The following TNFAIP8 variants were observed in gnomAD, a reference collection of about 807,000 sequenced individuals.
TNFAIP8 encodes TNF alpha induced protein 8.
TNFAIP8 carries 7 observed loss-of-function variants against 13.3 expected under a neutral mutation model. The observed-to-expected ratio is 0.52, with a 90% CI of 0.30 to 0.99. TNFAIP8 has a LOEUF of 0.99. Among genes scored for constraint, TNFAIP8 ranks in the 50% least tolerant of loss-of-function variants. The pLI, the probability that TNFAIP8 is intolerant of heterozygous loss-of-function variation, is 0.07. For missense variants in TNFAIP8, 258 were observed against 236.9 expected (o/e 1.09, Z -0.58); for synonymous variants, 94 against 87.6 (o/e 1.07, Z -0.41).
At chr5:119,320,636 A>G (rs1266337006) in intron 1 of TNFAIP8, among the ~76,000 whole-genome samples, 2 of 152,120 alleles carry the variant, frequency 1.3e-5, no homozygotes, top group African/African-American at 4.8e-5. Flanking sequence ...TCAGTCTCTC[A>G]GTAGTAGTTG....
chr5:119,345,921 A>G (rs1750884686), intron 1 of TNFAIP8, among the ~76,000 whole-genome samples: 1 of 152,232 alleles, frequency 6.6e-6, no homozygotes, highest in African/African-American at 2.4e-5. Flanking sequence ...GTTAAGAAAA[A>G]GAGAAGTAGT....
chr5:119,392,103 G>C (rs1471012721), intron 1 of TNFAIP8, among the ~76,000 whole-genome samples: 2 of 152,196 alleles, frequency 1.3e-5, no homozygotes, highest in Admixed American at 1.3e-4. Flanking sequence ...ATCAGAAATA[G>C]CAAGTGACAA....
At chr5:119,350,998 C>CTGTGTGTGTGTGTGTG (rs70982476) in intron 1 of TNFAIP8, among the ~76,000 whole-genome samples, 2 of 137,872 alleles carry the variant, frequency 1.5e-5, no homozygotes, top group African/African-American at 2.8e-5. Context: ...GGGTCTCACT[C>CTGTGTGTGTGTGTGTG]TGTGTGTGTG....
At chr5:119,368,805 T>G (rs933267037) in intron 1 of TNFAIP8, among the ~76,000 whole-genome samples, 4 of 152,128 alleles carry the variant, frequency 2.6e-5, no homozygotes, top group African/African-American at 9.7e-5. Context: ...GAGGTTAAGT[T>G]CTTGTTCTGG....
At chr5:119,376,519 T>C (rs1021484348) in intron 1 of TNFAIP8, among the ~76,000 whole-genome samples, 2 of 152,212 alleles carry the variant, frequency 1.3e-5, no homozygotes, top group African/African-American at 4.8e-5. Flanking sequence ...TTGTAGCCTC[T>C]TATTTCGGTT....
intron 1 of TNFAIP8, among the ~76,000 whole-genome samples, chr5:119,300,944 C>T (rs1475030556): frequency 3.3e-5 from 5 of 151,488 alleles, no homozygotes; most frequent in Admixed American, 1.3e-4. Context: ...TGACCATCTC[C>T]GAGGCACAGT....
chr5:119,331,768 A>T (rs572215842), intron 1 of TNFAIP8, among the ~76,000 whole-genome samples: 1 of 152,294 alleles, frequency 6.6e-6, no homozygotes, highest in Admixed American at 6.5e-5. Flanking sequence ...GCAGAACTGG[A>T]AAGAGTGGTT....
At position 119,309,071 on chromosome 5, in the gene TNFAIP8, C is replaced by T. The variant is rs895368852; in HGVS notation, c.1+40164C>T. 3.3e-5 allele frequency among the ~76,000 whole-genome samples: 5 copies of T among 152,170 alleles called. 1 individual carries two copies. Among genetic ancestry groups the T allele is most frequent in the Admixed American group, 2.6e-4 (4 of 15,282 alleles). ...TGAAGGAGACAGTTATTTACATTTT[C>T]AGTTGCTTTTTGTGAAATACAAAGA... On this transcript the variant is annotated intron_variant, in intron 1 of 1. Coordinates refer to the TNFAIP8 transcript ENST00000274456.
At chr5:119,372,532 T>C (rs1752121403) in intron 1 of TNFAIP8, among the ~76,000 whole-genome samples, 1 of 152,204 alleles carries the variant, frequency 6.6e-6, no homozygotes, top group African/African-American at 2.4e-5. Flanking sequence ...GTAAAATAAA[T>C]TCCTAGCTTT....
At chr5:119,375,778 A>G (rs1182117088) in intron 1 of TNFAIP8, among the ~76,000 whole-genome samples, 1 of 152,176 alleles carries the variant, frequency 6.6e-6, no homozygotes, top group Non-Finnish European at 1.5e-5. Context: ...AAAATGTTCA[A>G]TTTAGGATCT....
At chr5:119,279,338 C>G (rs562666312) in intron 1 of TNFAIP8, among the ~76,000 whole-genome samples, 54 of 152,268 alleles carry the variant, frequency 3.5e-4, no homozygotes, top group African/African-American at 1.2e-3. Flanking sequence ...AAGGCTGTTG[C>G]CTCTCCAACC....
chr5:119,359,377 T>C (rs975148973), intron 1 of TNFAIP8, among the ~76,000 whole-genome samples: 6 of 152,150 alleles, frequency 3.9e-5, no homozygotes, highest in African/African-American at 1.4e-4. Flanking sequence ...GAGCACCTGT[T>C]CCTTTCCTTG....
rs957668416 is a variant in TNFAIP8, at chr5:119,397,364, G to A, written c.*3983G>A. ...TTGTAGTAAAAAGTGCTATTCAATT[G>A]CCAGGAAATTAAAATACTCCAGTAA... On this transcript the variant is annotated 3_prime_UTR_variant, in exon 2 of 2. Coordinates refer to ENST00000504771, the MANE Select transcript of TNFAIP8 (RefSeq NM_014350.4). 2 of 152,132 alleles carry A rather than the reference G, an allele frequency of 1.3e-5. No individual in the cohort carries two copies. Among genetic ancestry groups the A allele is most frequent in the African/African-American group, 4.8e-5 (2 of 41,410 alleles). 9.4% of individuals were successfully genotyped at this position (152,132 alleles called of 1,614,324 possible).
intron 1 of TNFAIP8, among the ~76,000 whole-genome samples, chr5:119,345,885 A>G (rs1284500265): frequency 1.3e-5 from 2 of 152,224 alleles, no homozygotes; most frequent in Admixed American, 1.3e-4. Flanking sequence ...TTTTGCCACA[A>G]TTTTTAAAAA....
intron 1 of TNFAIP8, among the ~76,000 whole-genome samples, chr5:119,341,236 T>C (rs1013873132): frequency 1.3e-5 from 2 of 152,166 alleles, no homozygotes; most frequent in African/African-American, 4.8e-5. Flanking sequence ...ATTGCTTATT[T>C]GTTTTTAATG....
chr5:119,311,688 C>A (rs368095019), intron 1 of TNFAIP8, among the ~76,000 whole-genome samples: 234 of 66,550 alleles, frequency 3.5e-3, no homozygotes, highest in Middle Eastern at 0.013. Flanking sequence ...GACTCCGTCT[C>A]AAAAAAAAAA....
At chr5:119,280,292 A>C (rs941164612) in intron 1 of TNFAIP8, among the ~76,000 whole-genome samples, 2 of 152,000 alleles carry the variant, frequency 1.3e-5, no homozygotes, top group Admixed American at 6.6e-5. Flanking sequence ...TTATTACCCA[A>C]ATGAGCAGCC....
At chr5:119,332,643 T>C (rs1014578691) in intron 1 of TNFAIP8, among the ~76,000 whole-genome samples, 23 of 152,158 alleles carry the variant, frequency 1.5e-4, no homozygotes, top group African/African-American at 5.5e-4. Context: ...CAGTAGGGGC[T>C]AAAGGAAGAG....
At chr5:119,287,280 G>GTTTTTTTTTTTTTT (rs58452491) in intron 1 of TNFAIP8, among the ~76,000 whole-genome samples, 2 of 109,234 alleles carry the variant, frequency 1.8e-5, no homozygotes, top group Admixed American at 2.2e-4. Flanking sequence ...CAGTAACCAA[G>GTTTTTTTTTTTTTT]TTTTTTTTTT....
Sources: gnomAD v4.1 joint callset for allele counts (sites outside exome capture counted in the v4.1 genomes callset) on GRCh38, gnomAD v4.1.1 for gene constraint, MANE v1.5 for transcripts, NCBI Gene and HGNC (gene_info 2026-07-23, HGNC 2026-07-21) for gene names.